RNF152: variants seen among roughly 807,000 people sequenced by gnomAD.
RNF152 encodes the protein ring finger protein 152.
A neutral mutation model predicts 12.7 loss-of-function variants in RNF152; 11 were observed. The observed-to-expected ratio is 0.86, with a 90% CI of 0.54 to 1.43. The LOEUF is 1.43. RNF152 is among the 40% of genes most tolerant of loss of function. The probability of loss-of-function intolerance (pLI) is 0.00; values close to 1 mark genes in which losing one functional copy is unlikely to be tolerated. For synonymous variants in RNF152, 113 were observed against 120.3 expected (o/e 0.94, Z 0.40); for missense variants, 255 against 274.8 (o/e 0.93, Z 0.51).
At chr18:61,873,976 A>T (rs570907347) in intron 1 of RNF152, among the ~76,000 whole-genome samples, 1 of 152,320 alleles carries the variant, frequency 6.6e-6, no homozygotes, top group African/African-American at 2.4e-5. Context: ...CATCCTCTAA[A>T]GTATTTTCCT....
At chr18:61,831,843 AT>A (rs894965457) in intron 1 of RNF152, among the ~76,000 whole-genome samples, 76 of 152,266 alleles carry the variant, frequency 5.0e-4, no homozygotes, top group African/African-American at 1.8e-3. Flanking sequence ...ATAAGAAACA[AT>A]TTACTTCCAG....
chr18:61,864,532 T>C (rs578243123), intron 1 of RNF152, among the ~76,000 whole-genome samples: 5 of 152,010 alleles, frequency 3.3e-5, no homozygotes, highest in African/African-American at 1.2e-4. Flanking sequence ...CACTTAGGGG[T>C]TTGATGGAGG....
chr18:61,844,320 CAT>C (rs1470839025), intron 1 of RNF152, among the ~76,000 whole-genome samples: 2 of 152,130 alleles, frequency 1.3e-5, no homozygotes, highest in African/African-American at 4.8e-5. Context: ...TGATACTAAT[CAT>C]TTTGTATGAA....
chr18:61,887,123 C>T (rs1424885326), intron 1 of RNF152, among the ~76,000 whole-genome samples: 2 of 152,108 alleles, frequency 1.3e-5, no homozygotes, highest in Non-Finnish European at 2.9e-5. Context: ...TCAGGCGGAG[C>T]AAAAGTCGAG....
At chr18:61,881,855 A>G (rs952151507) in intron 1 of RNF152, among the ~76,000 whole-genome samples, 2 of 152,252 alleles carry the variant, frequency 1.3e-5, no homozygotes, top group South Asian at 4.1e-4. Context: ...TTCTCAGAGA[A>G]GACATTTTTC....
chr18:61,850,610 T>C (rs1343892587), intron 1 of RNF152, among the ~76,000 whole-genome samples: 1 of 152,138 alleles, frequency 6.6e-6, no homozygotes, highest in Non-Finnish European at 1.5e-5. Context: ...ACAATAAATA[T>C]TTACTAAGGG....
At chr18:61,837,715 C>T (rs1177173245) in intron 1 of RNF152, among the ~76,000 whole-genome samples, 2 of 152,168 alleles carry the variant, frequency 1.3e-5, no homozygotes, top group Non-Finnish European at 2.9e-5. Flanking sequence ...TCTTGTGCTT[C>T]TAGAAAAGCT....
chr18:61,892,518 T>A (rs1378441799), intron 1 of RNF152, among the ~76,000 whole-genome samples: 1 of 152,212 alleles, frequency 6.6e-6, no homozygotes, highest in African/African-American at 2.4e-5. Flanking sequence ...TACAACTGCC[T>A]GTGTATGAAT....
At chr18:61,866,372 A>G (rs1911729348) in intron 1 of RNF152, among the ~76,000 whole-genome samples, 1 of 152,200 alleles carries the variant, frequency 6.6e-6, no homozygotes. Context: ...ATTACACACC[A>G]GGAGCTGGCA....
intron 1 of RNF152, among the ~76,000 whole-genome samples, chr18:61,877,889 T>G (rs1330137582): frequency 6.6e-6 from 1 of 152,156 alleles, no homozygotes; most frequent in African/African-American, 2.4e-5. Flanking sequence ...CACCCCCAAA[T>G]CTGAGTGGCC....
At chr18:61,862,789 T>G (rs1911550117) in intron 1 of RNF152, among the ~76,000 whole-genome samples, 1 of 152,202 alleles carries the variant, frequency 6.6e-6, no homozygotes, top group Admixed American at 6.5e-5. Flanking sequence ...AAGCGGGGGT[T>G]CTGGGGACCC....
In RNF152 at chr18:61,809,970, T is replaced by C. The variant is rs537900307; in HGVS notation, c.*5882A>G. 10 of 151,928 alleles carry C rather than the reference T, an allele frequency of 6.6e-5. No homozygotes were observed. The highest frequency in any genetic ancestry group is 1.5e-4 in the Non-Finnish European group (10 of 67,986). The allele number at this position is 151,928 out of a possible 1,614,324, so 9.4% of individuals were successfully genotyped here. ...ATAATGGTGCACTCGCCCTAACCAC[T>C]TGAGCAGATCCAAAAAATAAGGTAT... On this transcript the variant is annotated 3_prime_UTR_variant, in exon 2 of 2. Transcript: ENST00000312828.
At chr18:61,839,382 G>A (rs1374761187) in intron 1 of RNF152, among the ~76,000 whole-genome samples, 3 of 152,188 alleles carry the variant, frequency 2.0e-5, no homozygotes, top group African/African-American at 4.8e-5. Context: ...ATTTCCAGAA[G>A]TTATTAATAT....
intron 1 of RNF152, among the ~76,000 whole-genome samples, chr18:61,856,849 G>T (rs1007538699): frequency 6.6e-6 from 1 of 152,162 alleles, no homozygotes; most frequent in Non-Finnish European, 1.5e-5. Context: ...AAAGCGACAG[G>T]AAAATTGAGG....
At chr18:61,882,989 A>C (rs1005243391) in intron 1 of RNF152, among the ~76,000 whole-genome samples, 2 of 152,224 alleles carry the variant, frequency 1.3e-5, no homozygotes, top group Non-Finnish European at 2.9e-5. Flanking sequence ...AAAGAAAAAA[A>C]ACACAGTCAT....
At chr18:61,828,343 C>T (rs138441250) in intron 1 of RNF152, among the ~76,000 whole-genome samples, 16 of 152,314 alleles carry the variant, frequency 1.1e-4, no homozygotes, top group African/African-American at 3.6e-4. Context: ...CCTTGAACTC[C>T]TTGCCTCAAG....
intron 1 of RNF152, among the ~76,000 whole-genome samples, chr18:61,846,350 A>G (rs1289106963): frequency 6.6e-6 from 1 of 152,160 alleles, no homozygotes; most frequent in East Asian, 1.9e-4. Flanking sequence ...TTATTACCAA[A>G]TAATAGGCCC....
chr18:61,859,998 G>A (rs1339305859), intron 1 of RNF152, among the ~76,000 whole-genome samples: 1 of 152,192 alleles, frequency 6.6e-6, no homozygotes, highest in East Asian at 1.9e-4. Context: ...TATTGGAGCA[G>A]GGTGGGCCCT....
chr18:61,875,321 T>A (rs1912164413), intron 1 of RNF152, among the ~76,000 whole-genome samples: 1 of 152,230 alleles, frequency 6.6e-6, no homozygotes, highest in Non-Finnish European at 1.5e-5. Flanking sequence ...ATATTTTAAA[T>A]CCAGTTGAAA....
Sources: allele counts gnomAD v4.1 joint callset (sites outside exome capture counted in the v4.1 genomes callset), GRCh38; gene constraint gnomAD v4.1.1; transcripts MANE v1.5; gene names NCBI Gene and HGNC (gene_info 2026-07-23, HGNC 2026-07-21).